PREX2: variants seen among roughly 807,000 people sequenced by gnomAD.
PREX2 encodes phosphatidylinositol 3,4,5-trisphosphate-dependent Rac exchanger 2 protein.
PREX2 carries 107 observed loss-of-function variants against 203.2 expected under a neutral mutation model. The observed-to-expected ratio is 0.53, with a 90% CI of 0.45 to 0.62. The LOEUF is 0.62. PREX2 is among the 20% of genes least tolerant of loss of function. PREX2 has a pLI of 0.00. For synonymous variants in PREX2, 672 were observed against 663.6 expected (o/e 1.01, Z -0.19); for missense variants, 1,777 against 1,955.9 (o/e 0.91, Z 1.72).
At chr8:68,120,860 T>C (rs1289500762) in intron 29 of PREX2, 61 bp from the exon 30 acceptor site, 1 of 1,507,246 alleles carries the variant, frequency 6.6e-7, no homozygotes, top group Non-Finnish European at 9.1e-7. Flanking sequence ...TTTTGAAGCC[T>C]AAAGGCTTCA....
chr8:68,071,828 G>A (rs1809203355), intron 13 of PREX2, among the ~76,000 whole-genome samples: 1 of 152,086 alleles, frequency 6.6e-6, no homozygotes, highest in Admixed American at 6.6e-5. Context: ...TTCCACTAGG[G>A]CAGAGCTGTG....
intron 11 of PREX2, among the ~76,000 whole-genome samples, chr8:68,067,452 G>A (rs186104229): frequency 2.6e-5 from 4 of 151,842 alleles, no homozygotes; most frequent in South Asian, 4.2e-4. Context: ...TGTACAGATC[G>A]TTCACCTTCT....
chr8:68,109,831 C>T (rs1227166422), intron 25 of PREX2, among the ~76,000 whole-genome samples: 1 of 151,954 alleles, frequency 6.6e-6, no homozygotes, highest in Non-Finnish European at 1.5e-5. Context: ...GCATTTAATA[C>T]TAGGGAAGAG....
intron 15 of PREX2, 57 bp from the exon 16 acceptor site, chr8:68,080,386 A>C (rs1809477167): frequency 4.6e-6 from 7 of 1,534,690 alleles, no homozygotes; most frequent in Non-Finnish European, 6.3e-6. Context: ...ACTGCTATTG[A>C]AAATGAGTGC....
intron 1 of PREX2, among the ~76,000 whole-genome samples, chr8:67,981,147 T>C (rs1806257737): frequency 6.6e-6 from 1 of 152,152 alleles, no homozygotes; most frequent in South Asian, 2.1e-4. Context: ...TCACAGTTAT[T>C]GGGAAAAAGA....
At chr8:68,181,961 G>A (rs1265267219) in intron 35 of PREX2, among the ~76,000 whole-genome samples, 1 of 152,004 alleles carries the variant, frequency 6.6e-6, no homozygotes, top group Non-Finnish European at 1.5e-5. Flanking sequence ...AGATACTGAA[G>A]TTAAGGGATG....
At chr8:68,130,553 T>G (rs1049817477) in intron 31 of PREX2, among the ~76,000 whole-genome samples, 3 of 152,200 alleles carry the variant, frequency 2.0e-5, no homozygotes, top group Non-Finnish European at 4.4e-5. Context: ...GCTACACCAC[T>G]TTACTTTGTT....
chr8:68,080,707 T>C, intron 16 of PREX2, 39 bp from the exon 17 acceptor site: 1 of 1,474,760 alleles, frequency 6.8e-7, no homozygotes, highest in Non-Finnish European at 9.3e-7. Flanking sequence ...ATTTTTTTCA[T>C]AGTTGCTTTA....
intron 25 of PREX2, chr8:68,114,180 A>G (rs1810595461): frequency 3.3e-6 from 1 of 305,394 alleles, no homozygotes; most frequent in Non-Finnish European, 6.9e-6. Flanking sequence ...TGTTTTATAA[A>G]CTACTATATC....
intron 33 of PREX2, among the ~76,000 whole-genome samples, chr8:68,138,954 T>G (rs1241114853): frequency 6.6e-6 from 1 of 152,184 alleles, no homozygotes; most frequent in Non-Finnish European, 1.5e-5. Flanking sequence ...AAATAAGGAC[T>G]CCATACATTT....
At chr8:68,209,503 C>T (rs527926515) in intron 37 of PREX2, among the ~76,000 whole-genome samples, 2 of 152,238 alleles carry the variant, frequency 1.3e-5, no homozygotes, top group African/African-American at 4.8e-5. Context: ...TAGTAGGTTT[C>T]TCAGACTGTC....
chr8:68,063,141 A>G (rs1808907350), intron 11 of PREX2, among the ~76,000 whole-genome samples: 1 of 152,212 alleles, frequency 6.6e-6, no homozygotes, highest in Non-Finnish European at 1.5e-5. Context: ...TATGACTATT[A>G]TATACTAACA....
chr8:68,120,969 G>A lies in PREX2; in HGVS notation c.3644G>A (p.Arg1215Gln), dbSNP rs146939492. 6.8e-4 allele frequency: 1,096 copies of A among 1,613,552 alleles called. No individual in the cohort carries two copies. The highest frequency in any genetic ancestry group is 1.5e-3 in the Middle Eastern group (9 of 6,060). The change falls in exon 30 of 40, where the codon CGG becomes CAG. Residue 1215 changes from arginine (R) to glutamine (Q), a missense_variant. Transcript: ENST00000288368. Reference protein sequence around the residue: ...EPKLSCPKRLRLHIKQDPWNL... With the variant: ...EPKLSCPKRLQLHIKQDPWNL... Reference sequence around the variant, plus strand: ...AAGCTGAGTTGTCCAAAAAGGCTACGGCTTCATATCAAGCAAGATCCTTGG... The same window carrying A: ...AAGCTGAGTTGTCCAAAAAGGCTACAGCTTCATATCAAGCAAGATCCTTGG...
chr8:68,056,347 A>C (rs979913900), intron 10 of PREX2, among the ~76,000 whole-genome samples: 1 of 152,178 alleles, frequency 6.6e-6, no homozygotes, highest in African/African-American at 2.4e-5. Context: ...TCAGAAAGAA[A>C]GGAAAGATAA....
chr8:68,224,657 G>C (rs753474885), intron 39 of PREX2, 31 bp downstream of exon 39: 1 of 1,568,424 alleles, frequency 6.4e-7, no homozygotes, highest in Admixed American at 1.7e-5. Context: ...GCCCTTGCCC[G>C]AAAGATTTGC....
At chr8:68,228,445 A>G (rs975193808) in intron 39 of PREX2, among the ~76,000 whole-genome samples, 13 of 152,052 alleles carry the variant, frequency 8.5e-5, no homozygotes, top group African/African-American at 3.1e-4. Context: ...CAACAAAGCA[A>G]GACCCTGTCT....
chr8:68,013,826 G>C lies in PREX2; in HGVS notation c.142-4020G>C, dbSNP rs1001653606. Among the ~76,000 whole-genome samples, 11 of 152,266 alleles carry C rather than the reference G, an allele frequency of 7.2e-5. No homozygotes were observed. In the East Asian group the frequency reaches 2.1e-3, roughly 29 times the overall value. On this transcript the variant is annotated intron_variant, in intron 1 of 39. Coordinates refer to ENST00000288368, the MANE Select transcript of PREX2 (RefSeq NM_024870.4). The stretch of plus-strand genomic sequence containing the variant: ...CAAATCTTTAAGGTGACAGGGTGCT[G>C]CTAAATAGTCTACTTTCAGAATTTT...
At chr8:68,020,635 A>G (rs117317797) in intron 3 of PREX2, among the ~76,000 whole-genome samples, 2,508 of 152,310 alleles carry the variant, frequency 0.016, 28 homozygotes, top group Non-Finnish European at 0.025. Context: ...GGAGAGTCTC[A>G]TTGGGTATAG....
At position 68,236,928 on chromosome 8, in the gene PREX2, G is replaced by A. The variant is rs1281138144; in HGVS notation, c.*5550G>A. 6.6e-6 allele frequency: 1 copy of A among 151,980 alleles called. No homozygotes were observed. Among genetic ancestry groups the A allele is most frequent in the Non-Finnish European group, 1.5e-5 (1 of 67,966 alleles). 9.4% of individuals were successfully genotyped at this position (151,980 alleles called of 1,614,324 possible). Reference sequence around the variant, plus strand: ...TATGTATGGTTAAAATTATCAAAGTGCATTATGTATTTTATATTGTTTATT... The same window carrying A: ...TATGTATGGTTAAAATTATCAAAGTACATTATGTATTTTATATTGTTTATT... On this transcript the variant is annotated 3_prime_UTR_variant, in exon 40 of 40. Coordinates refer to ENST00000288368, the MANE Select transcript of PREX2 (RefSeq NM_024870.4).
Sources: gnomAD v4.1 joint callset for allele counts (sites outside exome capture counted in the v4.1 genomes callset) on GRCh38, gnomAD v4.1.1 for gene constraint, MANE v1.5 for transcripts, NCBI Gene and HGNC (gene_info 2026-07-23, HGNC 2026-07-21) for gene names.